Variants in RUSF1 observed in about 807,000 individuals in gnomAD.
The protein encoded by RUSF1 is RUS family member 1.
A neutral mutation model predicts 63.0 loss-of-function variants in RUSF1; 58 were observed. The observed-to-expected ratio is 0.92, with a 90% CI of 0.75 to 1.15. The LOEUF is 1.15. RUSF1 is among the 50% of genes most tolerant of loss of function. The pLI is 0.00. For missense variants in RUSF1, 652 were observed against 611.0 expected (o/e 1.07, Z -0.71); for synonymous variants, 274 against 255.8 (o/e 1.07, Z -0.68).
intron 2 of RUSF1, among the ~76,000 whole-genome samples, chr16:31,502,667 T>A (rs2082638605): frequency 6.6e-6 from 1 of 152,228 alleles, no homozygotes; most frequent in South Asian, 2.1e-4. Flanking sequence ...TCCATTTCTG[T>A]CCTGACTCTG....
chr16:31,502,519 G>A (rs989645525), intron 2 of RUSF1, among the ~76,000 whole-genome samples: 3 of 152,180 alleles, frequency 2.0e-5, no homozygotes, highest in South Asian at 2.1e-4. Flanking sequence ...AAGAAAATAT[G>A]GATTTCCAGC....
In RUSF1 at chr16:31,490,090, C is replaced by CCCA; in HGVS notation, c.*742_*744dup. The CCCA allele has an allele frequency of 6.2e-7, 1 of 1,613,182 alleles. No homozygotes were observed. The highest frequency in any genetic ancestry group is 8.5e-7 in the Non-Finnish European group (1 of 1,179,980). ...ACAGAACTCCCACCTCGTTCGTGCT[C>CCCA]CCACCCTCCCCAGCTCCACCGCCTG... On this transcript the variant is annotated 3_prime_UTR_variant, in exon 13 of 13. Transcript: ENST00000327237.
Position 31,500,725 on chromosome 16 carries a change from G to A in RUSF1, c.422C>T (p.Thr141Ile), listed in dbSNP as rs367621897. The A allele has an allele frequency of 8.7e-6, 14 of 1,612,088 alleles. No homozygotes were observed. Among genetic ancestry groups the A allele is most frequent in the Non-Finnish European group, 1.2e-5 (14 of 1,178,674 alleles). Residue 141 changes from threonine to isoleucine, a missense_variant, in exon 3 of 13, where the codon ACT becomes ATT. Thr to Ile is a moderately conservative substitution (Grantham distance 89). Transcript: ENST00000327237. The stretch of plus-strand genomic sequence containing the variant: ...AAAGACGATGCGGCCCAGCATGCCA[G>A]TTGAATCTGGGGGAAAGAAGGCACA... ...ATATWLVKDS[T>I]GMLGRIVFAW...
In RUSF1 at chr16:31,496,905, C is replaced by T. The variant is rs185844277; in HGVS notation, c.646G>A (p.Val216Met). 63 of 1,610,140 alleles carry T rather than the reference C, an allele frequency of 3.9e-5. No homozygotes were observed. The highest frequency in any genetic ancestry group is 3.3e-4 in the Middle Eastern group (2 of 6,040). The change falls in exon 6 of 13, where the codon GTG becomes ATG. Residue 216 changes from valine to methionine, a missense_variant. Transcript: ENST00000327237. Reference sequence around the variant, plus strand: ...ATGTTGTTCCTCCGAGCCTGGTGCACGGTCAGGGCAGCCCGAGTGGCCCCA... The same window carrying T: ...ATGTTGTTCCTCCGAGCCTGGTGCATGGTCAGGGCAGCCCGAGTGGCCCCA... ...AGGATRAALT[V>M]HQARRNNMAD... is the part of the protein sequence containing the mutation.
chr16:31,499,391 G>A lies in RUSF1; in HGVS notation c.511C>T (p.Leu171Phe), dbSNP rs777999421. ...AKQWRLFADILNDVAMFLEIM... is the reference protein window; with the variant it reads ...AKQWRLFADIFNDVAMFLEIM... ...TCAAGGAACATGGCTACGTCATTGA[G>A]GATGTCCGCAAAAAGCCTGGGGAGG... Residue 171 changes from leucine (L) to phenylalanine (F), a missense_variant, in exon 5 of 13, where the codon CTC (leucine) becomes TTC (phenylalanine). Leu to Phe is a conservative substitution (Grantham distance 22). Transcript: ENST00000327237. The A allele has an allele frequency of 8.1e-6, 13 of 1,613,828 alleles. No homozygotes were observed. The highest frequency in any genetic ancestry group is 1.3e-5 in the African/African-American group (1 of 74,864).
rs199591213 is a variant in RUSF1, at chr16:31,492,310, G to A, written c.1118C>T (p.Ala373Val). The A allele has an allele frequency of 2.9e-5, 47 of 1,596,294 alleles. No individual in the cohort carries two copies. Among genetic ancestry groups the A allele is most frequent in the East Asian group, 2.2e-5 (1 of 44,666 alleles). ...GGCCCTTAGGATGGTCTTGGGGCCT[G>A]CCTTCTGGTTCAGAACTACCTGTAC... ...NQVQVVLNQK[A>V]GPKTILRAAT... is the part of the protein sequence containing the mutation. Residue 373 changes from alanine to valine, a missense_variant, in exon 11 of 13, where the codon GCA becomes GTA. By Grantham distance (64) the Ala-to-Val change is moderately conservative. Transcript: ENST00000327237.
intron 1 of RUSF1, 40 bp downstream of exon 1, chr16:31,508,034 G>A (rs1439253962): frequency 6.4e-7 from 1 of 1,567,576 alleles, no homozygotes; most frequent in South Asian, 1.2e-5. Context: ...GGAGGGAGGA[G>A]TGGCCTGCAC....
intron 6 of RUSF1, among the ~76,000 whole-genome samples, chr16:31,495,014 G>A (rs1261851591): frequency 6.6e-6 from 1 of 152,134 alleles, no homozygotes; most frequent in Non-Finnish European, 1.5e-5. Context: ...CTCCCACCAA[G>A]CTCCTTTGGT....
At position 31,507,839 on chromosome 16, in the gene RUSF1, CCTGGGTGG is replaced by C. The variant is rs1363443463; in HGVS notation, c.332_339del (p.Ala111GlyfsTer60). On this transcript the variant is annotated frameshift_variant, in exon 2 of 13. Coordinates refer to ENST00000327237, the MANE Select transcript of RUSF1 (RefSeq NM_022744.4). LOFTEE classifies it high-confidence loss of function. ...CCCACCCCTATGCCCAGCAAGACTG[CCTGGGTGG>C]CTAGGGAGCCGGAGAGGCTGGAAGC... 6.3e-7 allele frequency: 1 copy of C among 1,575,290 alleles called. No homozygotes were observed. Among genetic ancestry groups the C allele is most frequent in the African/African-American group, 1.4e-5 (1 of 73,936 alleles).
At chr16:31,496,627 C>T (rs2082604421) in intron 6 of RUSF1, among the ~76,000 whole-genome samples, 1 of 152,294 alleles carries the variant, frequency 6.6e-6, no homozygotes, top group East Asian at 1.9e-4. Context: ...GAGGGCAAGG[C>T]TGAGGGCTTG....
intron 3 of RUSF1, among the ~76,000 whole-genome samples, chr16:31,499,998 A>C (rs2082624497): frequency 2.0e-5 from 3 of 152,138 alleles, no homozygotes; most frequent in South Asian, 4.1e-4. Context: ...AGTTGGGGAA[A>C]AGGCTAAGAG....
At chr16:31,502,814 G>A (rs1370746707) in intron 2 of RUSF1, among the ~76,000 whole-genome samples, 1 of 152,252 alleles carries the variant, frequency 6.6e-6, no homozygotes, top group African/African-American at 2.4e-5. Flanking sequence ...ATTTTTAGTA[G>A]AGATGGGGTT....
At chr16:31,504,127 T>C (rs1232614913) in intron 2 of RUSF1, among the ~76,000 whole-genome samples, 1 of 151,994 alleles carries the variant, frequency 6.6e-6, no homozygotes, top group Non-Finnish European at 1.5e-5. Context: ...GTCCAACTCC[T>C]GACCCCAAGT....
rs999016308 is a variant in RUSF1 at position 31,489,943 on chromosome 16, A to G, written c.*892T>C. ...GGGGTTTATCCCGAGGGCACAGGGC[A>G]GCCATGTAGGGTGGAGTTGGCATGA... On this transcript the variant is annotated 3_prime_UTR_variant, in exon 13 of 13. Coordinates refer to ENST00000327237, the MANE Select transcript of RUSF1 (RefSeq NM_022744.4). 2 of 902,622 alleles carry G rather than the reference A, an allele frequency of 2.2e-6. No homozygotes were observed. Among genetic ancestry groups the G allele is most frequent in the Admixed American group, 4.1e-5 (2 of 48,994 alleles). 55.9% of individuals were successfully genotyped at this position (902,622 alleles called of 1,614,324 possible). A position where few individuals can be genotyped will look rare whatever the true frequency, so the allele number is the denominator to read the frequency against.
At chr16:31,494,015 T>C in intron 6 of RUSF1, 79 bp from the exon 7 acceptor site, 1 of 1,436,978 alleles carries the variant, frequency 7.0e-7, no homozygotes, top group Non-Finnish European at 9.6e-7. Context: ...TTTCACCTCA[T>C]CCTCCCTGCT....
chr16:31,490,182 T>A lies in RUSF1; in HGVS notation c.*653A>T. 6.2e-7 allele frequency: 1 copy of A among 1,614,164 alleles called. No homozygotes were observed. The highest frequency in any genetic ancestry group is 8.5e-7 in the Non-Finnish European group (1 of 1,180,020). On this transcript the variant is annotated 3_prime_UTR_variant, in exon 13 of 13. Transcript: ENST00000327237. ...GGATGCTGATGAGCAGCAAGGCTCC[T>A]CACTCCCTGTACAGAATGGGTGCCC...
In RUSF1 at chr16:31,496,938, C is replaced by A. The variant is rs1324570063; in HGVS notation, c.613G>T (p.Val205Phe). The change falls in exon 6 of 13, where the codon GTT becomes TTT. Residue 205 changes from valine to phenylalanine, a missense_variant. Physicochemically the swap from Val to Phe is conservative, Grantham distance 50. Transcript: ENST00000327237. Reference protein sequence around the residue: ...TSNLAKCIVSVAGGATRAALT... With the variant: ...TSNLAKCIVSFAGGATRAALT... ...GCAGCCCGAGTGGCCCCACCAGCAACACTCACGATGCACTGGGTGGGAGGG... is the reference window on the plus strand; with the variant it reads ...GCAGCCCGAGTGGCCCCACCAGCAAAACTCACGATGCACTGGGTGGGAGGG... 12 of 1,607,690 alleles carry A rather than the reference C, an allele frequency of 7.5e-6. No homozygotes were observed. Among genetic ancestry groups the A allele is most frequent in the Non-Finnish European group, 9.3e-6 (11 of 1,177,606 alleles).
In RUSF1 at chr16:31,493,797, G is replaced by C. The variant is rs1395900408; in HGVS notation, c.774-10C>G. ...ACATCCAAGGCTGAAGCTGGGGTGA[G>C]AGAGTGAGGTAGCTGAAGTGGGCAG... On this transcript the variant is annotated splice_polypyrimidine_tract_variant and intron_variant, in intron 7 of 12. Transcript: ENST00000327237. The C allele has an allele frequency of 9.3e-6, 15 of 1,614,190 alleles. No individual in the cohort carries two copies. Among genetic ancestry groups the C allele is most frequent in the Non-Finnish European group, 1.3e-5 (15 of 1,180,022 alleles).
At chr16:31,496,323 A>G (rs955955454) in intron 6 of RUSF1, among the ~76,000 whole-genome samples, 6 of 152,262 alleles carry the variant, frequency 3.9e-5, no homozygotes, top group Non-Finnish European at 8.8e-5. Flanking sequence ...AGCCTCCCAA[A>G]GTGCTAGGAT....
Sources: allele counts gnomAD v4.1 joint callset (sites outside exome capture counted in the v4.1 genomes callset), GRCh38; gene constraint gnomAD v4.1.1; transcripts MANE v1.5; gene names NCBI Gene and HGNC (gene_info 2026-07-23, HGNC 2026-07-21).